Variants in CPNE4 observed in about 807,000 individuals in gnomAD.
CPNE4 encodes the protein copine 4, also known as copine-4.
In CPNE4, 25 loss-of-function variants were observed where a neutral mutation model predicts 67.9. That is an observed-to-expected ratio of 0.37 (90% CI 0.27 to 0.51). The LOEUF (loss-of-function observed/expected upper bound fraction) is 0.51, where lower values mean the gene tolerates loss of function less well. Among genes scored for constraint, CPNE4 ranks in the 20% least tolerant of loss-of-function variants. The pLI, the probability that CPNE4 is intolerant of heterozygous loss-of-function variation, is 0.93. For missense variants in CPNE4, 464 were observed against 690.8 expected (o/e 0.67, Z 3.68); for synonymous variants, 242 against 244.9 (o/e 0.99, Z 0.11).
At chr3:131,809,336 GAA>G in intron 2 of CPNE4, among the ~76,000 whole-genome samples, 1 of 152,136 alleles carries the variant, frequency 6.6e-6, no homozygotes, top group East Asian at 1.9e-4. Context: ...ATGAGAAGAT[GAA>G]TTCTCCCTTA....
intron 2 of CPNE4, among the ~76,000 whole-genome samples, chr3:131,875,288 A>C (rs552167995): frequency 1.3e-5 from 2 of 152,336 alleles, no homozygotes; most frequent in South Asian, 4.1e-4. Context: ...GGGATCTAGA[A>C]CTAGAAATTC....
intron 1 of CPNE4, among the ~76,000 whole-genome samples, chr3:131,950,375 C>CTT (rs1225171549): frequency 6.6e-5 from 10 of 152,204 alleles, no homozygotes; most frequent in Admixed American, 6.5e-4. Flanking sequence ...CAGCACTACT[C>CTT]TTAGGGGCCA....
At chr3:131,908,786 C>A (rs140996621) in intron 1 of CPNE4, among the ~76,000 whole-genome samples, 2 of 152,212 alleles carry the variant, frequency 1.3e-5, no homozygotes, top group South Asian at 2.1e-4. Flanking sequence ...ACATAATTCC[C>A]GATTCAAATC....
chr3:131,753,003 T>A (rs1359915776), intron 2 of CPNE4, among the ~76,000 whole-genome samples: 2 of 151,176 alleles, frequency 1.3e-5, no homozygotes, highest in Admixed American at 6.6e-5. Context: ...TAGAAAATAA[T>A]AAAATATAAA....
At chr3:131,811,553 C>T (rs1234743088) in intron 2 of CPNE4, among the ~76,000 whole-genome samples, 1 of 152,050 alleles carries the variant, frequency 6.6e-6, no homozygotes, top group African/African-American at 2.4e-5. Context: ...ATTCAAAGTA[C>T]CTTCCATGGG....
chr3:131,740,436 C>T (rs1285906442), intron 2 of CPNE4, among the ~76,000 whole-genome samples: 4 of 152,216 alleles, frequency 2.6e-5, no homozygotes, highest in Non-Finnish European at 4.4e-5. Context: ...AACTACCTCC[C>T]TCCCATGCCG....
chr3:131,611,026 C>A (rs1431464275), intron 7 of CPNE4, among the ~76,000 whole-genome samples: 1 of 152,152 alleles, frequency 6.6e-6, no homozygotes, highest in Non-Finnish European at 1.5e-5. Context: ...TTTTCTTTAA[C>A]CTTTATGTCC....
chr3:131,975,369 C>T (rs1323200809), intron 1 of CPNE4, among the ~76,000 whole-genome samples: 1 of 152,144 alleles, frequency 6.6e-6, no homozygotes, highest in African/African-American at 2.4e-5. Flanking sequence ...AGTGAGTTAC[C>T]TGGGCATGAG....
At chr3:131,743,004 G>T (rs966739710) in intron 2 of CPNE4, among the ~76,000 whole-genome samples, 4 of 151,910 alleles carry the variant, frequency 2.6e-5, no homozygotes, top group Non-Finnish European at 5.9e-5. Context: ...TAAAGATAAA[G>T]GTGTACATCA....
chr3:131,831,519 T>C (rs1003587668), intron 2 of CPNE4, among the ~76,000 whole-genome samples: 3 of 152,184 alleles, frequency 2.0e-5, no homozygotes, highest in Admixed American at 6.6e-5. Flanking sequence ...CTAAAAAATT[T>C]ATTAAATTCT....
intron 1 of CPNE4, among the ~76,000 whole-genome samples, chr3:132,005,103 T>C (rs2073553440): frequency 6.6e-6 from 1 of 151,794 alleles, no homozygotes; most frequent in Admixed American, 6.6e-5. Context: ...AGCACCCAGT[T>C]GCTCTCTGTG....
intron 2 of CPNE4, among the ~76,000 whole-genome samples, chr3:131,846,867 G>A (rs1337705489): frequency 6.6e-6 from 1 of 152,162 alleles, no homozygotes; most frequent in Non-Finnish European, 1.5e-5. Flanking sequence ...CTTGCAGCAT[G>A]ACAGCTGCTA....
At chr3:131,772,229 A>G (rs982993978) in intron 2 of CPNE4, among the ~76,000 whole-genome samples, 6 of 152,188 alleles carry the variant, frequency 3.9e-5, no homozygotes, top group African/African-American at 1.4e-4. Context: ...TACTTAGCCC[A>G]TACCTACACC....
At chr3:131,977,997 C>T (rs1289557826) in intron 1 of CPNE4, among the ~76,000 whole-genome samples, 17 of 140,510 alleles carry the variant, frequency 1.2e-4, no homozygotes, top group Non-Finnish European at 3.0e-5. Context: ...CAGGTCACTG[C>T]AAATGCTATT....
At chr3:131,561,381 T>TTG (rs1559899610) in intron 11 of CPNE4, among the ~76,000 whole-genome samples, 1 of 151,366 alleles carries the variant, frequency 6.6e-6, no homozygotes, top group African/African-American at 2.4e-5. Context: ...GTGTGTGTTT[T>TTG]TGTGTGTGTG....
chr3:131,713,100 T>C (rs2081598204), intron 3 of CPNE4, among the ~76,000 whole-genome samples: 1 of 151,278 alleles, frequency 6.6e-6, no homozygotes, highest in African/African-American at 2.4e-5. Flanking sequence ...GCTTAAAGGA[T>C]TAGGATCAGG....
At chr3:131,616,078 C>T (rs895656382) in intron 7 of CPNE4, among the ~76,000 whole-genome samples, 2 of 152,054 alleles carry the variant, frequency 1.3e-5, no homozygotes, top group African/African-American at 2.4e-5. Context: ...AAATGGGTAC[C>T]TTGTTTAAGG....
intron 1 of CPNE4, among the ~76,000 whole-genome samples, chr3:131,934,985 G>T (rs566037758): frequency 1.3e-5 from 2 of 152,232 alleles, no homozygotes; most frequent in South Asian, 4.2e-4. Context: ...GAAGAAGGTT[G>T]GGAGAAGTTT....
At chr3:132,038,402 C>T (rs1230258429), upstream of CPNE4, among the ~76,000 whole-genome samples, 5 of 152,274 alleles carry the variant, frequency 3.3e-5, no homozygotes, top group Non-Finnish European at 5.9e-5. Context: ...ACCTGTGCTA[C>T]GAAAGGGCAG....
Sources: gnomAD v4.1 joint callset for allele counts (sites outside exome capture counted in the v4.1 genomes callset) on GRCh38, gnomAD v4.1.1 for gene constraint, MANE v1.5 for transcripts, NCBI Gene and HGNC (gene_info 2026-07-23, HGNC 2026-07-21) for gene names.